The following ADGRB3 variants were observed in gnomAD, a reference collection of about 807,000 sequenced individuals.
The protein encoded by ADGRB3 is adhesion G protein-coupled receptor B3, also known as brain-specific angiogenesis inhibitor 3.
In ADGRB3, 37 loss-of-function variants were observed where a neutral mutation model predicts 193.4. The ratio of observed to expected loss-of-function variants is 0.19; its 90% confidence interval spans 0.15 to 0.25. ADGRB3 has a LOEUF of 0.25. ADGRB3 is among the 10% of genes least tolerant of loss of function. The pLI is 1.00. For synonymous variants in ADGRB3, 690 were observed against 644.2 expected (o/e 1.07, Z -1.08); for missense variants, 1,637 against 1,852.9 (o/e 0.88, Z 2.14).
At chr6:68,831,324 A>G (rs1767948583) in intron 3 of ADGRB3, among the ~76,000 whole-genome samples, 1 of 141,244 alleles carries the variant, frequency 7.1e-6, no homozygotes, top group Non-Finnish European at 1.5e-5. Flanking sequence ...AAAAAAAAAA[A>G]AGCTGATTTT....
intron 20 of ADGRB3, among the ~76,000 whole-genome samples, chr6:69,259,539 G>A (rs989342044): frequency 1.3e-5 from 2 of 151,516 alleles, no homozygotes; most frequent in African/African-American, 4.8e-5. Context: ...GCTAAAAAAC[G>A]CAAAAAAATA....
At chr6:69,022,601 C>T (rs558254625) in intron 13 of ADGRB3, among the ~76,000 whole-genome samples, 1 of 152,072 alleles carries the variant, frequency 6.6e-6, no homozygotes, top group East Asian at 1.9e-4. Context: ...TCATCCTTCA[C>T]ATCCTTTGTG....
rs150663349 is a variant in ADGRB3, at chr6:69,121,214, G to A, written c.2480+45176G>A. Among the ~76,000 whole-genome samples the A allele has an allele frequency of 4.8e-3, 732 of 152,084 alleles. 8 individuals carry two copies. The highest frequency in any genetic ancestry group is 0.016 in the African/African-American group (679 of 41,474). ...TTAGGGAGTGGTGATGACTCTTAAC[G>A]AGCATGCTGTCTTCAAGCATCTGTT... On this transcript the variant is annotated intron_variant, in intron 17 of 31. Transcript: ENST00000370598.
intron 3 of ADGRB3, among the ~76,000 whole-genome samples, chr6:68,727,180 G>A (rs1765688851): frequency 6.6e-6 from 1 of 151,446 alleles, no homozygotes. Flanking sequence ...GTAGCTTTGT[G>A]GAGCAAAGTT....
intron 17 of ADGRB3, among the ~76,000 whole-genome samples, chr6:69,087,227 G>C (rs1482970158): frequency 6.6e-6 from 1 of 152,118 alleles, no homozygotes; most frequent in African/African-American, 2.4e-5. Flanking sequence ...CCCGGTAGTT[G>C]AGATTTAAAA....
At chr6:69,003,254 A>C (rs573970209) in intron 11 of ADGRB3, among the ~76,000 whole-genome samples, 7 of 152,296 alleles carry the variant, frequency 4.6e-5, no homozygotes, top group African/African-American at 1.7e-4. Flanking sequence ...GCAGATATGT[A>C]ATTGGTATCT....
At chr6:69,106,136 G>A (rs1773204425) in intron 17 of ADGRB3, among the ~76,000 whole-genome samples, 1 of 127,988 alleles carries the variant, frequency 7.8e-6, no homozygotes, top group African/African-American at 3.0e-5. Flanking sequence ...TCCAGCCTGG[G>A]CAACAGGCTT....
intron 17 of ADGRB3, 91 bp from the exon 18 acceptor site, chr6:69,233,199 A>T: frequency 2.0e-6 from 3 of 1,488,308 alleles, no homozygotes; most frequent in Non-Finnish European, 2.7e-6. Flanking sequence ...ACAGTAGACG[A>T]CTCTCTCAAT....
chr6:69,067,797 A>T (rs759292843), intron 16 of ADGRB3, among the ~76,000 whole-genome samples: 6 of 152,206 alleles, frequency 3.9e-5, no homozygotes, highest in Non-Finnish European at 7.3e-5. Context: ...CTCTCTGGCT[A>T]CATTTTTGGT....
intron 20 of ADGRB3, among the ~76,000 whole-genome samples, chr6:69,300,679 A>G (rs1229170941): frequency 6.6e-6 from 1 of 151,830 alleles, no homozygotes; most frequent in Non-Finnish European, 1.5e-5. Context: ...CTGGCAAACA[A>G]TCTGAAAAAG....
chr6:68,641,096 C>T (rs913635578), intron 3 of ADGRB3, among the ~76,000 whole-genome samples: 5 of 152,136 alleles, frequency 3.3e-5, no homozygotes, highest in African/African-American at 4.8e-5. Flanking sequence ...TACAAACTGG[C>T]TAATAAACCA....
chr6:68,867,380 T>C (rs1765326412), intron 3 of ADGRB3, among the ~76,000 whole-genome samples: 1 of 152,172 alleles, frequency 6.6e-6, no homozygotes, highest in South Asian at 2.1e-4. Context: ...GGCAAGAGTT[T>C]AGGAAACTTC....
At chr6:68,821,759 G>A (rs765785598) in intron 3 of ADGRB3, among the ~76,000 whole-genome samples, 1 of 151,368 alleles carries the variant, frequency 6.6e-6, no homozygotes, top group Non-Finnish European at 1.5e-5. Flanking sequence ...AACTTTTGTG[G>A]TATTAATTAA....
At chr6:68,743,914 A>G (rs941889587) in intron 3 of ADGRB3, among the ~76,000 whole-genome samples, 5 of 151,946 alleles carry the variant, frequency 3.3e-5, no homozygotes, top group Admixed American at 6.6e-5. Context: ...GGTGGAAGTG[A>G]GAATGGTTAG....
chr6:68,776,319 C>T (rs527793272), intron 3 of ADGRB3, among the ~76,000 whole-genome samples: 5 of 152,118 alleles, frequency 3.3e-5, no homozygotes, highest in South Asian at 4.1e-4. Flanking sequence ...CAGACATAGA[C>T]GTAGACAACT....
At chr6:68,742,691 G>C (rs1200758209) in intron 3 of ADGRB3, among the ~76,000 whole-genome samples, 1 of 151,980 alleles carries the variant, frequency 6.6e-6, no homozygotes, top group Admixed American at 6.5e-5. Context: ...ACTAAGCAGG[G>C]AATCACTAAA....
At chr6:69,277,251 C>A (rs1561974513) in intron 20 of ADGRB3, among the ~76,000 whole-genome samples, 2 of 152,086 alleles carry the variant, frequency 1.3e-5, no homozygotes, top group Admixed American at 6.5e-5. Flanking sequence ...CCTCAGCCTC[C>A]CAAAGTGCTG....
At chr6:68,929,823 A>G (rs1220167702) in intron 3 of ADGRB3, among the ~76,000 whole-genome samples, 1 of 152,104 alleles carries the variant, frequency 6.6e-6, no homozygotes, top group Non-Finnish European at 1.5e-5. Flanking sequence ...TTGTTCCCGA[A>G]TTAGTACCAG....
chr6:69,065,767 AC>A (rs1771885206), intron 16 of ADGRB3, among the ~76,000 whole-genome samples: 1 of 56,542 alleles, frequency 1.8e-5, no homozygotes, highest in Non-Finnish European at 4.7e-5. Context: ...ATATATATAC[AC>A]ACACACACAC....
Sources: allele counts gnomAD v4.1 joint callset (sites outside exome capture counted in the v4.1 genomes callset), GRCh38; gene constraint gnomAD v4.1.1; transcripts MANE v1.5; gene names NCBI Gene and HGNC (gene_info 2026-07-23, HGNC 2026-07-21).